ZFHX3: variants seen among roughly 807,000 people sequenced by gnomAD.
The protein encoded by ZFHX3 is zinc finger homeobox 3.
In ZFHX3, 42 loss-of-function variants were observed where a neutral mutation model predicts 279.1. The observed-to-expected ratio is 0.15, with a 90% CI of 0.12 to 0.19. The LOEUF is 0.19. Ranked by LOEUF, ZFHX3 falls within the 10% of genes least tolerant of loss-of-function variation. The pLI, the probability that ZFHX3 is intolerant of heterozygous loss-of-function variation, is 1.00. For synonymous variants in ZFHX3, 2,293 were observed against 1,957.8 expected, an observed-to-expected ratio of 1.17 and a Z score of -4.52; for missense variants, 4,981 against 4,754.0, an observed-to-expected ratio of 1.05 and a Z score of -1.40.
At chr16:73,181,910 G>A (rs114452536) in intron 5 of ZFHX3, among the ~76,000 whole-genome samples, 3,204 of 152,274 alleles carry the variant, frequency 0.021, 122 homozygotes, top group African/African-American at 0.074. Flanking sequence ...CATCCACCAA[G>A]AGGGACAGGT....
intron 2 of ZFHX3, among the ~76,000 whole-genome samples, chr16:73,625,069 T>G (rs1597034140): frequency 6.6e-6 from 1 of 152,230 alleles, no homozygotes; most frequent in African/African-American, 2.4e-5. Flanking sequence ...CATTTTTATT[T>G]TAGGTGTCTG....
intron 1 of ZFHX3, among the ~76,000 whole-genome samples, chr16:73,055,723 TACACACAC>T (rs1306492960): frequency 1.2e-5 from 1 of 83,102 alleles, no homozygotes; most frequent in Non-Finnish European, 2.5e-5. Flanking sequence ...CACACACACA[TACACACAC>T]ACACACGTCA....
intron 8 of ZFHX3, among the ~76,000 whole-genome samples, chr16:73,066,157 C>T (rs8054685): frequency 0.018 from 2,711 of 152,316 alleles, 80 homozygotes; most frequent in African/African-American, 0.063. Context: ...CCCTCTCAGC[C>T]GCCTCCCTGT....
chr16:73,648,613 C>T (rs1439607200), intron 2 of ZFHX3, among the ~76,000 whole-genome samples: 1 of 152,024 alleles, frequency 6.6e-6, no homozygotes. Flanking sequence ...GATTTCACCA[C>T]GTTGGCCAGG....
chr16:73,572,535 T>C (rs1230520869), intron 2 of ZFHX3, among the ~76,000 whole-genome samples: 1 of 152,200 alleles, frequency 6.6e-6, no homozygotes, highest in Non-Finnish European at 1.5e-5. Context: ...AAAGCTGTCT[T>C]GAGCCTCCCC....
chr16:73,056,626 C>T (rs1436797266), intron 1 of ZFHX3, among the ~76,000 whole-genome samples: 1 of 152,138 alleles, frequency 6.6e-6, no homozygotes, highest in African/African-American at 2.4e-5. Context: ...CTATATTGTT[C>T]CGGAGGGCAG....
At chr16:73,136,725 CAAAAAAA>C (rs397855836) in intron 6 of ZFHX3, among the ~76,000 whole-genome samples, 6 of 41,646 alleles carry the variant, frequency 1.4e-4, no homozygotes, top group South Asian at 1.1e-3. Flanking sequence ...GACTCTGCCT[CAAAAAAA>C]AAAAAAAAAA....
intron 3 of ZFHX3, among the ~76,000 whole-genome samples, chr16:73,397,589 C>T (rs529305869): frequency 3.5e-4 from 53 of 152,188 alleles, no homozygotes; most frequent in African/African-American, 1.1e-3. Context: ...ATGAGAAAAG[C>T]GAAGACAGAA....
intron 3 of ZFHX3, among the ~76,000 whole-genome samples, chr16:73,371,944 T>G (rs2016638475): frequency 6.6e-6 from 1 of 152,252 alleles, no homozygotes; most frequent in Admixed American, 6.5e-5. Context: ...CTCTTCACTC[T>G]TTTTCAAGCC....
At chr16:73,073,460 T>C (rs1965848544) in intron 8 of ZFHX3, among the ~76,000 whole-genome samples, 2 of 152,224 alleles carry the variant, frequency 1.3e-5, no homozygotes, top group African/African-American at 2.4e-5. Flanking sequence ...GTTCTAATTT[T>C]AAACTTCTAA....
chr16:73,428,468 G>A (rs961317264), intron 3 of ZFHX3, among the ~76,000 whole-genome samples: 12 of 152,106 alleles, frequency 7.9e-5, no homozygotes, highest in African/African-American at 2.7e-4. Flanking sequence ...TCGAACCCCC[G>A]ACAGTGAGTT....
chr16:73,127,631 G>C, intron 7 of ZFHX3: 2 of 1,264,342 alleles, frequency 1.6e-6, no homozygotes, highest in South Asian at 1.3e-5. Flanking sequence ...ACAGGGTGCA[G>C]ACTGGATGTT....
chr16:73,406,200 G>A (rs1398331136), intron 3 of ZFHX3, among the ~76,000 whole-genome samples: 1 of 152,240 alleles, frequency 6.6e-6, no homozygotes, highest in Non-Finnish European at 1.5e-5. Flanking sequence ...GTTGGCACCA[G>A]GAGCTGTTTC....
In ZFHX3 at chr16:72,795,734, T is replaced by C; in HGVS notation, c.6948A>G (p.Thr2316=). 6.2e-7 allele frequency: 1 copy of C among 1,614,184 alleles called. No homozygotes were observed. The highest frequency in any genetic ancestry group is 2.2e-5 in the East Asian group (1 of 44,874). Residue 2316 remains threonine, a synonymous_variant, in exon 9 of 10, where the codon ACA becomes ACG. Coordinates refer to ENST00000268489, the MANE Select transcript of ZFHX3 (RefSeq NM_006885.4). Reference sequence around the variant, plus strand: ...TGCTTGTTCGAATGTATCTATCATTTGTAAGCTCACGCCGCTCTCCATCTT... The same window carrying C: ...TGCTTGTTCGAATGTATCTATCATTCGTAAGCTCACGCCGCTCTCCATCTT... The part of the protein sequence containing the change: ...EGKDGERREL[T]NDRYIRTSNL...
At chr16:72,875,177 TTCCCATAGGGAAC>T (rs1243926094) in intron 4 of ZFHX3, among the ~76,000 whole-genome samples, 7 of 152,302 alleles carry the variant, frequency 4.6e-5, no homozygotes, top group South Asian at 2.1e-4. Context: ...CCATAGAGAA[TTCCCATAGGGAAC>T]TCCCATAGGG....
At chr16:73,474,001 C>G (rs1413664683) in intron 2 of ZFHX3, among the ~76,000 whole-genome samples, 1 of 152,046 alleles carries the variant, frequency 6.6e-6, no homozygotes, top group East Asian at 1.9e-4. Context: ...ACACAAGGAA[C>G]CTGAGATAGG....
At chr16:73,122,707 A>G (rs1166293821) in intron 7 of ZFHX3, among the ~76,000 whole-genome samples, 1 of 152,098 alleles carries the variant, frequency 6.6e-6, no homozygotes, top group Non-Finnish European at 1.5e-5. Context: ...AGGAGTCAGC[A>G]GTTAAGGGTG....
intron 2 of ZFHX3, among the ~76,000 whole-genome samples, chr16:73,642,257 T>G (rs536947657): frequency 1.3e-5 from 2 of 152,310 alleles, no homozygotes; most frequent in Non-Finnish European, 2.9e-5. Context: ...GCAGCTCTGC[T>G]CTAAGTCTTT....
At chr16:73,626,479 T>A (rs1270633880) in intron 2 of ZFHX3, among the ~76,000 whole-genome samples, 1 of 152,184 alleles carries the variant, frequency 6.6e-6, no homozygotes, top group Non-Finnish European at 1.5e-5. Context: ...AATCTATTGA[T>A]ATGAAAAAAC....
Sources: allele counts gnomAD v4.1 joint callset (sites outside exome capture counted in the v4.1 genomes callset), GRCh38; gene constraint gnomAD v4.1.1; transcripts MANE v1.5; gene names NCBI Gene and HGNC (gene_info 2026-07-23, HGNC 2026-07-21).